NELL1: variants seen among roughly 807,000 people sequenced by gnomAD.
NELL1 encodes neural EGFL like 1, also known as protein kinase C-binding protein NELL1.
In NELL1, 76 loss-of-function variants were observed where a neutral mutation model predicts 107.4. The ratio of observed to expected loss-of-function variants is 0.71; its 90% CI spans 0.59 to 0.86. The LOEUF (loss-of-function observed/expected upper bound fraction) is 0.86. NELL1 is among the 40% of genes least tolerant of loss of function. The pLI, the probability that NELL1 is intolerant of heterozygous loss-of-function variation, is 0.00. For synonymous variants in NELL1, 353 were observed against 341.2 expected (o/e 1.03, Z -0.38); for missense variants, 1,024 against 1,005.5 (o/e 1.02, Z -0.25).
chr11:20,994,831 A>T (rs1019638100), intron 12 of NELL1, among the ~76,000 whole-genome samples: 19 of 152,238 alleles, frequency 1.2e-4, no homozygotes, highest in African/African-American at 4.6e-4. Context: ...TTAATTTCTA[A>T]TAAGGTAACC....
chr11:20,796,545 C>T (rs1326102652), intron 3 of NELL1, among the ~76,000 whole-genome samples: 3 of 14,300 alleles, frequency 2.1e-4, no homozygotes, highest in Non-Finnish European at 7.8e-4. Context: ...GGAGACTTGC[C>T]CTAAAAAATC....
intron 15 of NELL1, among the ~76,000 whole-genome samples, chr11:21,500,749 G>T (rs75473969): frequency 1.3e-5 from 2 of 152,028 alleles, no homozygotes; most frequent in African/African-American, 4.8e-5. Flanking sequence ...CAAACCCTTC[G>T]TAAAGTTTGT....
intron 2 of NELL1, among the ~76,000 whole-genome samples, chr11:20,697,159 G>T (rs1368659409): frequency 1.3e-5 from 2 of 152,120 alleles, no homozygotes; most frequent in African/African-American, 4.8e-5. Context: ...GGTAAGGCTG[G>T]CACAGATATT....
intron 14 of NELL1, among the ~76,000 whole-genome samples, chr11:21,304,735 T>A (rs1274003605): frequency 2.0e-5 from 3 of 151,976 alleles, no homozygotes; most frequent in Non-Finnish European, 4.4e-5. Context: ...CACCTAATAT[T>A]CTGTATCATC....
At chr11:21,001,754 A>G (rs1319124713) in intron 12 of NELL1, among the ~76,000 whole-genome samples, 2 of 151,482 alleles carry the variant, frequency 1.3e-5, no homozygotes, top group Non-Finnish European at 2.9e-5. Flanking sequence ...TGGAAGGGGG[A>G]GAGGTGGATT....
chr11:20,748,899 T>TCCATCCACCCAG (rs1315399626), intron 2 of NELL1, among the ~76,000 whole-genome samples: 1 of 53,888 alleles, frequency 1.9e-5, no homozygotes, highest in African/African-American at 4.4e-5. Flanking sequence ...CATCCATCCA[T>TCCATCCACCCAG]CCACCCAGCC....
rs748984488 is a variant in NELL1 at position 21,347,558 on chromosome 11, C to T, written c.1550-23295C>T. 3.6e-4 allele frequency among the ~76,000 whole-genome samples: 55 copies of T among 152,074 alleles called. 1 individual carries two copies. The highest frequency in any genetic ancestry group is 2.5e-4 in the Non-Finnish European group (17 of 68,032). ...CAGAGGTTGCAGTGAGCCAAGACTG[C>T]GCCATTGTACTCCAGGCTGGGCAAC... On this transcript the variant is annotated intron_variant, in intron 14 of 19. Transcript: ENST00000357134.
intron 5 of NELL1, among the ~76,000 whole-genome samples, chr11:20,889,714 G>T (rs1000053209): frequency 6.6e-6 from 1 of 152,180 alleles, no homozygotes; most frequent in Non-Finnish European, 1.5e-5. Context: ...AGGCTGGCGT[G>T]ACTCATGGAG....
intron 14 of NELL1, among the ~76,000 whole-genome samples, chr11:21,366,236 T>A (rs1183256778): frequency 6.6e-6 from 1 of 152,118 alleles, no homozygotes; most frequent in Non-Finnish European, 1.5e-5. Flanking sequence ...GAAGGCCGAC[T>A]TATCCGCTGA....
intron 14 of NELL1, among the ~76,000 whole-genome samples, chr11:21,352,437 GA>G (rs1480653019): frequency 6.6e-6 from 1 of 152,004 alleles, no homozygotes; most frequent in Non-Finnish European, 1.5e-5. Flanking sequence ...ATACATAGAA[GA>G]TTTTTTTTAA....
intron 15 of NELL1, among the ~76,000 whole-genome samples, chr11:21,453,372 C>T (rs536318608): frequency 6.6e-6 from 1 of 152,166 alleles, no homozygotes; most frequent in African/African-American, 2.4e-5. Flanking sequence ...ATTCCTATTC[C>T]TTGTCCTGAA....
intron 3 of NELL1, among the ~76,000 whole-genome samples, chr11:20,799,458 A>G (rs563037481): frequency 6.6e-6 from 1 of 152,372 alleles, no homozygotes; most frequent in Admixed American, 6.5e-5. Flanking sequence ...TCCAAATTTC[A>G]TAATTTATAA....
At chr11:20,737,194 G>A (rs1855782090) in intron 2 of NELL1, among the ~76,000 whole-genome samples, 2 of 152,020 alleles carry the variant, frequency 1.3e-5, no homozygotes, top group South Asian at 4.2e-4. Flanking sequence ...GAGTCTGATA[G>A]CCTGGTGTGA....
intron 3 of NELL1, among the ~76,000 whole-genome samples, chr11:20,804,304 C>A (rs1461845514): frequency 6.6e-6 from 1 of 152,050 alleles, no homozygotes; most frequent in African/African-American, 2.4e-5. Context: ...GGTGCGATTT[C>A]AGCTCACTGC....
chr11:21,260,255 T>TGTTAACAAGGTAACATGTTAACA (rs1858871734), intron 14 of NELL1: 1 of 150,030 alleles, frequency 6.7e-6, no homozygotes, highest in Non-Finnish European at 1.5e-5. Context: ...AACAAGGTAA[T>TGTTAACAAGGTAACATGTTAACA]AGGTAAGTGT....
chr11:20,678,570 G>A (rs917001427), intron 2 of NELL1, among the ~76,000 whole-genome samples: 4 of 152,132 alleles, frequency 2.6e-5, no homozygotes, highest in South Asian at 4.1e-4. Context: ...ACATGGTGTG[G>A]TTCTTAGAAG....
intron 16 of NELL1, among the ~76,000 whole-genome samples, chr11:21,559,508 G>A (rs1856801658): frequency 6.6e-6 from 1 of 152,048 alleles, no homozygotes; most frequent in Non-Finnish European, 1.5e-5. Flanking sequence ...TCAATAAAGA[G>A]CAGGACAATA....
chr11:20,910,479 C>A (rs1246281920), intron 5 of NELL1, among the ~76,000 whole-genome samples: 1 of 152,178 alleles, frequency 6.6e-6, no homozygotes, highest in Non-Finnish European at 1.5e-5. Context: ...CCATTTCCGG[C>A]CCCGCACTCA....
intron 7 of NELL1, among the ~76,000 whole-genome samples, chr11:20,924,191 A>T (rs1400342227): frequency 6.6e-6 from 1 of 152,214 alleles, no homozygotes; most frequent in Admixed American, 6.5e-5. Flanking sequence ...AGTGACAGAA[A>T]ATGCAATTCA....
Sources: gnomAD v4.1 joint callset for allele counts (sites outside exome capture counted in the v4.1 genomes callset) on GRCh38, gnomAD v4.1.1 for gene constraint, MANE v1.5 for transcripts, NCBI Gene and HGNC (gene_info 2026-07-23, HGNC 2026-07-21) for gene names.